The following CHN2 variants were observed in gnomAD, a reference collection of about 807,000 sequenced individuals.
CHN2 encodes the protein chimerin 2.
A neutral mutation model predicts 56.3 loss-of-function variants in CHN2; 35 were observed. The observed-to-expected ratio is 0.62, with a 90% CI of 0.47 to 0.82. The LOEUF (loss-of-function observed/expected upper bound fraction) is 0.82, where lower values mean the gene tolerates loss of function less well. CHN2 is among the 40% of genes least tolerant of loss of function. The pLI is 0.00. For synonymous variants in CHN2, 210 were observed against 212.8 expected (o/e 0.99, Z 0.12); for missense variants, 491 against 580.5 (o/e 0.85, Z 1.58).
At chr7:29,481,658 GT>G (rs5883215) in intron 7 of CHN2, among the ~76,000 whole-genome samples, 8,825 of 130,792 alleles carry the variant, frequency 0.067, 299 homozygotes, top group Admixed American at 0.12. Flanking sequence ...AATGCCTCCC[GT>G]TTTTTTTTTT....
intron 3 of CHN2, among the ~76,000 whole-genome samples, chr7:29,381,801 A>T (rs1800528155): frequency 7.4e-6 from 1 of 135,216 alleles, no homozygotes. Flanking sequence ...TATTCTCACT[A>T]AACTAAGCAA....
At chr7:29,368,756 G>C (rs1799376527) in intron 3 of CHN2, among the ~76,000 whole-genome samples, 2 of 152,140 alleles carry the variant, frequency 1.3e-5, no homozygotes, top group African/African-American at 4.8e-5. Flanking sequence ...ATCTGGTTTT[G>C]AACCTGTTTC....
chr7:29,456,860 G>T (rs1342789852), intron 6 of CHN2, among the ~76,000 whole-genome samples: 1 of 152,080 alleles, frequency 6.6e-6, no homozygotes, highest in Non-Finnish European at 1.5e-5. Context: ...AGGGCACGCT[G>T]CAGCCTGCAC....
intron 6 of CHN2, chr7:29,445,088 G>C (rs957531101): frequency 2.6e-5 from 12 of 455,078 alleles, no homozygotes; most frequent in African/African-American, 1.8e-4. Context: ...TGGTATGTTT[G>C]GTTAGTCATT....
intron 7 of CHN2, among the ~76,000 whole-genome samples, chr7:29,491,475 C>A (rs917957142): frequency 3.9e-5 from 6 of 152,174 alleles, no homozygotes; most frequent in Non-Finnish European, 8.8e-5. Context: ...GTGGCGCCAT[C>A]ATAGCTCATT....
chr7:29,435,112 C>T (rs1307127168), intron 6 of CHN2, among the ~76,000 whole-genome samples: 1 of 151,900 alleles, frequency 6.6e-6, no homozygotes, highest in Non-Finnish European at 1.5e-5. Context: ...CAAAAACAAG[C>T]AAACAAACAA....
intron 2 of CHN2, among the ~76,000 whole-genome samples, chr7:29,367,434 G>A (rs1799252511): frequency 6.6e-6 from 1 of 152,104 alleles, no homozygotes; most frequent in Admixed American, 6.5e-5. Flanking sequence ...AAATGGCTTG[G>A]TGTTTCATTC....
intron 1 of CHN2, among the ~76,000 whole-genome samples, chr7:29,292,257 T>C (rs1274855501): frequency 6.6e-6 from 1 of 152,174 alleles, no homozygotes; most frequent in Non-Finnish European, 1.5e-5. Flanking sequence ...TGCAGACTAA[T>C]AGTATTTCAC....
chr7:29,454,994 T>C (rs1044498099), intron 6 of CHN2, among the ~76,000 whole-genome samples: 4 of 152,172 alleles, frequency 2.6e-5, no homozygotes, highest in African/African-American at 9.7e-5. Flanking sequence ...TGGATCCTTT[T>C]AGAGGCATCA....
intron 1 of CHN2, among the ~76,000 whole-genome samples, chr7:29,302,969 ATACACATGTGATTAAATAGTATTCAGC>A (rs759803447): frequency 1.3e-3 from 195 of 152,314 alleles, no homozygotes; most frequent in Non-Finnish European, 2.3e-3. Flanking sequence ...ATACACACGT[ATACACATGTGATTAAATAGTATTCAGC>A]TTAGAGTGAC....
At chr7:29,459,272 C>T (rs558386273) in intron 6 of CHN2, among the ~76,000 whole-genome samples, 19 of 152,326 alleles carry the variant, frequency 1.2e-4, no homozygotes, top group African/African-American at 4.3e-4. Flanking sequence ...CATGTTTCTT[C>T]CCTCCTGTGT....
intron 1 of CHN2, among the ~76,000 whole-genome samples, chr7:29,221,848 A>T (rs1027587037): frequency 6.6e-6 from 1 of 151,998 alleles, no homozygotes; most frequent in African/African-American, 2.4e-5. Flanking sequence ...CATTTTCTTT[A>T]TCCAGTCTAT....
chr7:29,147,072 G>T lies in CHN2; in HGVS notation c.274+112G>T, dbSNP rs137907485. The T allele has an allele frequency of 3.1e-4, 447 of 1,441,444 alleles. 1 individual carries two copies. The highest frequency in any genetic ancestry group is 3.9e-4 in the Admixed American group (18 of 45,574). The allele number at this position is 1,441,444 out of a possible 1,614,324, so 89.3% of individuals were successfully genotyped here. ...ACCATTATACCCATTTTGCAATTGG[G>T]GGACACAAACTAAGTGAGGTTAAGT... is the stretch of plus-strand genomic sequence containing the variant. On this transcript the variant is annotated intron_variant, in intron 2 of 6. Coordinates refer to the CHN2 transcript ENST00000439384.
At chr7:29,194,193 A>T (rs1326346612), upstream of CHN2, 1 of 34,816 alleles carries the variant, frequency 2.9e-5, no homozygotes, top group South Asian at 9.5e-4. Context: ...CTTCCCCCAC[A>T]CCCTCCCTCC....
chr7:29,239,781 G>C (rs759859456), intron 1 of CHN2, among the ~76,000 whole-genome samples: 1 of 152,066 alleles, frequency 6.6e-6, no homozygotes, highest in Non-Finnish European at 1.5e-5. Flanking sequence ...TCAGAGAGTT[G>C]AAGTAATTCA....
chr7:29,195,619 AGAGAGAGAGAGT>A (rs1205015685), intron 1 of CHN2, among the ~76,000 whole-genome samples: 5 of 127,716 alleles, frequency 3.9e-5, no homozygotes, highest in African/African-American at 1.4e-4. Flanking sequence ...AGAGAGAGAG[AGAGAGAGAGAGT>A]GTGTGTGTGT....
At chr7:29,402,562 CAGA>C (rs546357107) in intron 6 of CHN2, among the ~76,000 whole-genome samples, 5 of 152,182 alleles carry the variant, frequency 3.3e-5, no homozygotes, top group Non-Finnish European at 5.9e-5. Context: ...CATGACAAAT[CAGA>C]AGATGAATTG....
At chr7:29,444,452 C>T (rs189158790) in intron 6 of CHN2, among the ~76,000 whole-genome samples, 1 of 152,188 alleles carries the variant, frequency 6.6e-6, no homozygotes, top group East Asian at 1.9e-4. Flanking sequence ...ACCTCACTCA[C>T]CTACTTGGCA....
intron 2 of CHN2, among the ~76,000 whole-genome samples, chr7:29,167,386 T>A (rs1455216466): frequency 1.3e-5 from 2 of 152,194 alleles, no homozygotes; most frequent in African/African-American, 4.8e-5. Context: ...ATTCAAAAAA[T>A]TATCCACTAT....
Sources: allele counts gnomAD v4.1 joint callset (sites outside exome capture counted in the v4.1 genomes callset), GRCh38; gene constraint gnomAD v4.1.1; transcripts MANE v1.5; gene names NCBI Gene and HGNC (gene_info 2026-07-23, HGNC 2026-07-21).